Variants in ADD2 observed in about 807,000 individuals in gnomAD.
ADD2 encodes the protein adducin 2.
In ADD2, 23 loss-of-function variants were observed where a neutral mutation model predicts 83.0. That is an observed-to-expected ratio of 0.28 (90% CI 0.20 to 0.39). ADD2 has a LOEUF of 0.39. ADD2 is among the 10% of genes least tolerant of loss of function. The pLI is 1.00. For synonymous variants in ADD2, 375 were observed against 375.4 expected (o/e 1.00, Z 0.01); for missense variants, 758 against 944.9 (o/e 0.80, Z 2.59).
At chr2:70,726,743 T>C (rs1553378358) in intron 1 of ADD2, among the ~76,000 whole-genome samples, 3 of 152,216 alleles carry the variant, frequency 2.0e-5, no homozygotes, top group East Asian at 3.8e-4. Flanking sequence ...GAAGCTCATT[T>C]TGGTAGACAA....
At chr2:70,704,032 G>C (rs1553373881) in intron 4 of ADD2, among the ~76,000 whole-genome samples, 4 of 152,074 alleles carry the variant, frequency 2.6e-5, no homozygotes, top group African/African-American at 9.7e-5. Context: ...CTGTCTAGTG[G>C]GGCATGGAAA....
Position 70,706,911 on chromosome 2 carries a change from T to C in ADD2, c.-34-469A>G, listed in dbSNP as rs1286686546. ...CATGCTGGGCTTAACACCTAGGTAA[T>C]GGGTTGATAGGCGCAGCAAACCACC... On this transcript the variant is annotated intron_variant, in intron 2 of 15. Coordinates refer to ENST00000264436, the MANE Select transcript of ADD2 (RefSeq NM_001617.4). This position sits in a 1 kb window ranked among gnomAD's most constrained non-coding sequence, Gnocchi z 5.0. Among the ~76,000 whole-genome samples, 2 of 152,090 alleles carry C rather than the reference T, an allele frequency of 1.3e-5. No homozygotes were observed. Among genetic ancestry groups the C allele is most frequent in the African/African-American group, 4.8e-5 (2 of 41,414 alleles).
intron 15 of ADD2, among the ~76,000 whole-genome samples, chr2:70,667,694 C>T (rs1251020313): frequency 6.6e-6 from 1 of 151,750 alleles, no homozygotes; most frequent in Non-Finnish European, 1.5e-5. Context: ...CAATAACTCA[C>T]TGCAACCTCT....
At chr2:70,738,838 C>G (rs1287271801) in intron 1 of ADD2, among the ~76,000 whole-genome samples, 1 of 152,096 alleles carries the variant, frequency 6.6e-6, no homozygotes, top group Admixed American at 6.6e-5. Context: ...GAGCCATAAG[C>G]AGAAGATTGA....
At chr2:70,710,976 T>G (rs1299162145) in intron 2 of ADD2, among the ~76,000 whole-genome samples, 2 of 152,212 alleles carry the variant, frequency 1.3e-5, no homozygotes, top group African/African-American at 4.8e-5. Flanking sequence ...AGGTGCACAC[T>G]AAATAACTGT....
intron 1 of ADD2, among the ~76,000 whole-genome samples, chr2:70,745,538 T>A (rs1477354453): frequency 6.6e-6 from 1 of 152,130 alleles, no homozygotes; most frequent in Non-Finnish European, 1.5e-5. Context: ...AGGTTCACAG[T>A]GTTTCTAACA....
chr2:70,657,042 A>T lies in ADD2; in HGVS notation c.*6383T>A, dbSNP rs1675384099. 1 of 151,452 alleles carries T rather than the reference A, an allele frequency of 6.6e-6. No individual in the cohort carries two copies. Among genetic ancestry groups the T allele is most frequent in the African/African-American group, 2.4e-5 (1 of 41,260 alleles). 9.4% of individuals were successfully genotyped at this position (151,452 alleles called of 1,614,324 possible). ...ATATATAATATGTGTATATATATAA[A>T]ATTGCAAAATAAAAGCCCAAGAAAC... On this transcript the variant is annotated 3_prime_UTR_variant, in exon 16 of 16. Transcript: ENST00000264436.
intron 4 of ADD2, among the ~76,000 whole-genome samples, chr2:70,699,396 C>T (rs1316242448): frequency 6.6e-6 from 1 of 151,994 alleles, no homozygotes; most frequent in Non-Finnish European, 1.5e-5. Flanking sequence ...AAATGTTTGG[C>T]GACCTAAAAA....
At chr2:70,677,206 T>A (rs1553368550) in intron 12 of ADD2, among the ~76,000 whole-genome samples, 1 of 151,962 alleles carries the variant, frequency 6.6e-6, no homozygotes, top group African/African-American at 2.4e-5. Context: ...CCCCCCACCA[T>A]TGAATCTGAA....
At chr2:70,734,541 A>G (rs568254884) in intron 1 of ADD2, among the ~76,000 whole-genome samples, 2 of 152,326 alleles carry the variant, frequency 1.3e-5, no homozygotes, top group South Asian at 4.1e-4. Flanking sequence ...GTCTGGAAGG[A>G]GGGAAGAGAA....
intron 1 of ADD2, among the ~76,000 whole-genome samples, chr2:70,738,053 G>A (rs1245396762): frequency 2.6e-5 from 4 of 152,116 alleles, no homozygotes; most frequent in African/African-American, 9.7e-5. Flanking sequence ...TGATTTCAAA[G>A]CCCAGTACAC....
intron 5 of ADD2, 91 bp from the exon 6 acceptor site, chr2:70,695,892 A>G (rs1043827733): frequency 9.0e-7 from 1 of 1,109,912 alleles, no homozygotes; most frequent in South Asian, 1.4e-5. Flanking sequence ...CCCTGAATCT[A>G]CTGCACCCAA....
intron 6 of ADD2, among the ~76,000 whole-genome samples, chr2:70,694,318 A>G (rs1332327871): frequency 1.3e-5 from 2 of 152,158 alleles, no homozygotes; most frequent in African/African-American, 4.8e-5. Flanking sequence ...AGCTTGCTGT[A>G]ATAACCCCAC....
chr2:70,700,486 C>T (rs1275779078), intron 4 of ADD2, among the ~76,000 whole-genome samples: 1 of 152,144 alleles, frequency 6.6e-6, no homozygotes, highest in African/African-American at 2.4e-5. Context: ...CCTTAAATGT[C>T]TTTATTATTG....
chr2:70,721,140 A>G (rs1672708363), intron 1 of ADD2, among the ~76,000 whole-genome samples: 1 of 152,184 alleles, frequency 6.6e-6, no homozygotes, highest in Non-Finnish European at 1.5e-5. Flanking sequence ...AGTTATCTAT[A>G]TGTTGGATCT....
intron 2 of ADD2, among the ~76,000 whole-genome samples, chr2:70,707,502 G>A (rs1384150439): frequency 6.6e-6 from 1 of 152,200 alleles, no homozygotes; most frequent in Non-Finnish European, 1.5e-5. Flanking sequence ...TGCTATCTTG[G>A]AGCCCTTCTG....
At chr2:70,682,947 C>T (rs571637573) in intron 10 of ADD2, among the ~76,000 whole-genome samples, 37 of 151,398 alleles carry the variant, frequency 2.4e-4, no homozygotes, top group African/African-American at 8.7e-4. Flanking sequence ...AAAGACAGAA[C>T]TAACTATATA....
chr2:70,756,483 A>G (rs1674798639), intron 1 of ADD2, among the ~76,000 whole-genome samples: 2 of 152,250 alleles, frequency 1.3e-5, no homozygotes, highest in Admixed American at 6.5e-5. Context: ...CTTATTGTGC[A>G]GTAAGCAATA....
At chr2:70,695,654 A>G in intron 6 of ADD2, 67 bp downstream of exon 6, 1 of 1,456,966 alleles carries the variant, frequency 6.9e-7, no homozygotes, top group Non-Finnish European at 9.6e-7. Flanking sequence ...ATGACCTAGC[A>G]CTGTGGGAAC....
Sources: gnomAD v4.1 joint callset for allele counts (sites outside exome capture counted in the v4.1 genomes callset) on GRCh38, gnomAD v4.1.1 for gene constraint, Gnocchi (gnomAD v3.1) non-coding constraint, MANE v1.5 for transcripts, NCBI Gene and HGNC (gene_info 2026-07-23, HGNC 2026-07-21) for gene names.